IMMP2L: variants seen among roughly 807,000 people sequenced by gnomAD.
IMMP2L encodes the protein inner mitochondrial membrane peptidase subunit 2.
In IMMP2L, 18 loss-of-function variants were observed where a neutral mutation model predicts 19.3. That is an observed-to-expected ratio of 0.93 (90% CI 0.64 to 1.38). IMMP2L has a LOEUF of 1.38. IMMP2L is among the 40% of genes most tolerant of loss of function. IMMP2L has a pLI of 0.00. For missense variants in IMMP2L, 233 were observed against 218.2 expected (o/e 1.07, Z -0.43); for synonymous variants, 76 against 73.0 (o/e 1.04, Z -0.21).
At chr7:111,487,370 T>C (rs1842744980) in intron 2 of IMMP2L, 29 bp from the exon 3 acceptor site, 2 of 1,260,296 alleles carry the variant, frequency 1.6e-6, no homozygotes, top group Non-Finnish European at 2.3e-6. Context: ...GAGACACTTC[T>C]ATCATTTGTA....
intron 3 of IMMP2L, among the ~76,000 whole-genome samples, chr7:111,338,933 T>C (rs1386593353): frequency 6.6e-6 from 1 of 152,084 alleles, no homozygotes; most frequent in Non-Finnish European, 1.5e-5. Flanking sequence ...CTCAAGAATA[T>C]TGTCCCAGGA....
chr7:110,671,481 T>G (rs1397355760), intron 5 of IMMP2L, among the ~76,000 whole-genome samples: 1 of 152,212 alleles, frequency 6.6e-6, no homozygotes, highest in Admixed American at 6.5e-5. Context: ...TGGAAAGTGA[T>G]CCAGGATATC....
intron 4 of IMMP2L, among the ~76,000 whole-genome samples, chr7:110,923,181 G>C (rs1814489799): frequency 1.3e-5 from 2 of 152,112 alleles, no homozygotes; most frequent in South Asian, 4.1e-4. Flanking sequence ...TCATGAATCA[G>C]CTTTCAGTGA....
intron 3 of IMMP2L, among the ~76,000 whole-genome samples, chr7:111,094,459 C>T (rs1330038309): frequency 6.6e-6 from 1 of 152,090 alleles, no homozygotes; most frequent in Non-Finnish European, 1.5e-5. Flanking sequence ...AAACACTAGA[C>T]ATGTGTACAG....
intron 3 of IMMP2L, among the ~76,000 whole-genome samples, chr7:111,147,830 G>A (rs1262973010): frequency 2.6e-5 from 4 of 152,062 alleles, no homozygotes; most frequent in African/African-American, 9.7e-5. Context: ...AATTCCAAAA[G>A]TTAAACAAAT....
chr7:111,206,044 A>C (rs1001377120), intron 3 of IMMP2L, among the ~76,000 whole-genome samples: 15 of 152,204 alleles, frequency 9.9e-5, no homozygotes, highest in African/African-American at 2.7e-4. Context: ...CACAGTGTTA[A>C]ATCTCTAAAG....
chr7:111,415,379 A>G (rs1834866315), intron 3 of IMMP2L, among the ~76,000 whole-genome samples: 1 of 151,778 alleles, frequency 6.6e-6, no homozygotes, highest in South Asian at 2.1e-4. Context: ...TTTAGTATAT[A>G]AGAACTTGAG....
chr7:110,698,523 A>C (rs1249410013), intron 5 of IMMP2L, among the ~76,000 whole-genome samples: 3 of 152,126 alleles, frequency 2.0e-5, no homozygotes, highest in African/African-American at 4.8e-5. Flanking sequence ...CCCTCTACCT[A>C]CCACTGCCTT....
At chr7:111,179,939 T>C (rs1807518893) in intron 3 of IMMP2L, among the ~76,000 whole-genome samples, 1 of 152,064 alleles carries the variant, frequency 6.6e-6, no homozygotes, top group Non-Finnish European at 1.5e-5. Context: ...CAACTTTTCT[T>C]CTGAAACTTC....
intron 1 of IMMP2L, among the ~76,000 whole-genome samples, chr7:111,559,888 G>C (rs1276220022): frequency 6.6e-6 from 1 of 152,190 alleles, no homozygotes; most frequent in South Asian, 2.1e-4. Flanking sequence ...ATGTCCAAAA[G>C]ACTGTAAAAG....
chr7:111,162,781 T>G (rs1291656789), intron 3 of IMMP2L, among the ~76,000 whole-genome samples: 1 of 151,944 alleles, frequency 6.6e-6, no homozygotes, highest in Non-Finnish European at 1.5e-5. Context: ...AGCCTCAAAC[T>G]TGGTGGATAA....
In IMMP2L at chr7:110,810,771, A is replaced by T. The variant is rs139404585; in HGVS notation, c.408+75822T>A. ...TTGAAAGTGATTAATTATAATAAAC[A>T]ATACCTGAATTTGTGAAGTAGTTTG... On this transcript the variant is annotated intron_variant, in intron 5 of 5. Coordinates refer to ENST00000405709, the MANE Select transcript of IMMP2L (RefSeq NM_032549.4). Among the ~76,000 whole-genome samples the T allele has an allele frequency of 8.5e-5, 13 of 152,202 alleles. No individual in the cohort carries two copies. In the East Asian group the frequency reaches 2.3e-3, roughly 27 times the overall value.
chr7:111,422,703 CTTTA>C (rs1184744418), intron 3 of IMMP2L, among the ~76,000 whole-genome samples: 1 of 151,782 alleles, frequency 6.6e-6, no homozygotes, highest in East Asian at 1.9e-4. Flanking sequence ...ACTGAATACC[CTTTA>C]TTTCTTTCTC....
At chr7:110,972,379 CTAAA>C (rs1820231141) in intron 3 of IMMP2L, among the ~76,000 whole-genome samples, 2 of 152,062 alleles carry the variant, frequency 1.3e-5, no homozygotes, top group African/African-American at 4.8e-5. Flanking sequence ...ATGCTTTAAC[CTAAA>C]TAATACTAAA....
chr7:111,538,220 A>G (rs1848072580), intron 1 of IMMP2L, among the ~76,000 whole-genome samples: 1 of 152,142 alleles, frequency 6.6e-6, no homozygotes, highest in Admixed American at 6.5e-5. Flanking sequence ...TCAGTGTTCA[A>G]TACAGTTTCA....
At chr7:111,060,543 A>G (rs1409031747) in intron 3 of IMMP2L, among the ~76,000 whole-genome samples, 1 of 152,184 alleles carries the variant, frequency 6.6e-6, no homozygotes, top group African/African-American at 2.4e-5. Context: ...TCCAGGAGTA[A>G]AGCTGGTTGA....
intron 4 of IMMP2L, among the ~76,000 whole-genome samples, chr7:110,896,757 T>C (rs1039170441): frequency 2.1e-4 from 32 of 152,174 alleles, no homozygotes; most frequent in African/African-American, 7.5e-4. Flanking sequence ...TGTAGGTCTT[T>C]TGCATATGCT....
At chr7:111,357,801 A>G (rs1303208527) in intron 3 of IMMP2L, among the ~76,000 whole-genome samples, 1 of 152,048 alleles carries the variant, frequency 6.6e-6, no homozygotes, top group Non-Finnish European at 1.5e-5. Flanking sequence ...ATATATATAT[A>G]CTTATCCATT....
intron 5 of IMMP2L, among the ~76,000 whole-genome samples, chr7:110,692,996 T>A (rs764050539): frequency 6.6e-6 from 1 of 152,322 alleles, no homozygotes; most frequent in South Asian, 2.1e-4. Flanking sequence ...CCCAGGGTGC[T>A]CCTTTGAATC....
Sources: allele counts gnomAD v4.1 joint callset (sites outside exome capture counted in the v4.1 genomes callset), GRCh38; gene constraint gnomAD v4.1.1; transcripts MANE v1.5; gene names NCBI Gene and HGNC (gene_info 2026-07-23, HGNC 2026-07-21).